CERT1: variants seen among roughly 807,000 people sequenced by gnomAD.
CERT1 encodes the protein ceramide transfer protein.
A neutral mutation model predicts 87.9 loss-of-function variants in CERT1; 31 were observed. The observed-to-expected ratio is 0.35, with a 90% CI of 0.27 to 0.48. The LOEUF is 0.48. Among genes scored for constraint, CERT1 ranks in the 20% least tolerant of loss-of-function variants. The pLI, the probability that CERT1 is intolerant of heterozygous loss-of-function variation, is 0.99. For synonymous variants in CERT1, 289 were observed against 250.9 expected, an observed-to-expected ratio of 1.15 and a Z score of -1.44; for missense variants, 487 against 758.0, an observed-to-expected ratio of 0.64 and a Z score of 4.20.
chr5:75,481,060 C>T (rs757163268), intron 2 of CERT1, among the ~76,000 whole-genome samples: 28 of 152,174 alleles, frequency 1.8e-4, no homozygotes, highest in Non-Finnish European at 2.9e-4. Flanking sequence ...AGCAACTTCC[C>T]ATCTCGCTCA....
At chr5:75,398,979 G>A (rs1028532428) in intron 11 of CERT1, among the ~76,000 whole-genome samples, 6 of 152,124 alleles carry the variant, frequency 3.9e-5, no homozygotes, top group African/African-American at 9.7e-5. Flanking sequence ...TATAGACCAC[G>A]TCCATCAAAA....
intron 11 of CERT1, among the ~76,000 whole-genome samples, chr5:75,392,951 C>G (rs185300484): frequency 0.028 from 2,733 of 97,552 alleles, 43 homozygotes; most frequent in Middle Eastern, 0.062. Flanking sequence ...GCCTGGATGA[C>G]AGAGAGAGAC....
chr5:75,381,837 G>C (rs1299673119), intron 15 of CERT1, 112 bp downstream of exon 15: 8 of 991,090 alleles, frequency 8.1e-6, no homozygotes, highest in Non-Finnish European at 1.2e-5. Flanking sequence ...TAAAATCTAA[G>C]AACCATTATC....
chr5:75,488,906 T>G (rs1264678484), intron 2 of CERT1, among the ~76,000 whole-genome samples: 1 of 152,142 alleles, frequency 6.6e-6, no homozygotes, highest in East Asian at 1.9e-4. Flanking sequence ...TAAAGCCTCA[T>G]TAAAGAAAAT....
At chr5:75,471,069 A>G (rs1765685901) in intron 2 of CERT1, among the ~76,000 whole-genome samples, 1 of 152,240 alleles carries the variant, frequency 6.6e-6, no homozygotes, top group African/African-American at 2.4e-5. Context: ...ACTATAAAAC[A>G]TTCAAGAAAG....
At chr5:75,404,589 A>G (rs1762631893) in intron 8 of CERT1, among the ~76,000 whole-genome samples, 1 of 152,240 alleles carries the variant, frequency 6.6e-6, no homozygotes, top group Non-Finnish European at 1.5e-5. Context: ...TTTAAATACT[A>G]TTTAACCACA....
At chr5:75,499,925 T>C (rs1053345237) in intron 2 of CERT1, among the ~76,000 whole-genome samples, 1 of 152,204 alleles carries the variant, frequency 6.6e-6, no homozygotes, top group Non-Finnish European at 1.5e-5. Context: ...CCTCTGAATG[T>C]TACCTTGTTT....
chr5:75,417,119 AG>A, intron 6 of CERT1, 86 bp from the exon 7 acceptor site: 1 of 1,058,424 alleles, frequency 9.4e-7, no homozygotes, highest in Non-Finnish European at 1.4e-6. Flanking sequence ...TTAGAAAATT[AG>A]CAAGTCAGAG....
At chr5:75,511,702 C>T (rs948877248), upstream of CERT1, 2 of 1,543,628 alleles carry the variant, frequency 1.3e-6, no homozygotes, top group African/African-American at 1.4e-5. Flanking sequence ...GCCCCGTCCC[C>T]CTCCCGGCGT....
At chr5:75,414,279 A>G (rs1411526124) in intron 7 of CERT1, among the ~76,000 whole-genome samples, 1 of 152,130 alleles carries the variant, frequency 6.6e-6, no homozygotes, top group Non-Finnish European at 1.5e-5. Flanking sequence ...GCATGAAGGA[A>G]CCTTCTAGGG....
intron 3 of CERT1, among the ~76,000 whole-genome samples, chr5:75,457,381 C>G (rs1765027738): frequency 6.6e-6 from 1 of 152,202 alleles, no homozygotes; most frequent in African/African-American, 2.4e-5. Context: ...TTAATTAACA[C>G]AGCCAAGCTC....
intron 2 of CERT1, among the ~76,000 whole-genome samples, chr5:75,488,694 T>A (rs569124923): frequency 3.9e-4 from 60 of 152,284 alleles, no homozygotes; most frequent in Admixed American, 2.7e-3. Flanking sequence ...CTTAATTTTG[T>A]AAAGTGTGGT....
intron 1 of CERT1, among the ~76,000 whole-genome samples, chr5:75,510,581 G>A (rs1337097884): frequency 6.6e-6 from 1 of 152,044 alleles, no homozygotes; most frequent in East Asian, 1.9e-4. Flanking sequence ...ACAGGGTGAG[G>A]GAGAAAGTCC....
At chr5:75,486,646 G>A (rs1580840692) in intron 2 of CERT1, among the ~76,000 whole-genome samples, 1 of 152,076 alleles carries the variant, frequency 6.6e-6, no homozygotes, top group East Asian at 1.9e-4. Context: ...TAAAGTTGCA[G>A]GATACAAAAA....
intron 10 of CERT1, among the ~76,000 whole-genome samples, chr5:75,399,941 A>G (rs958840109): frequency 6.6e-5 from 10 of 152,140 alleles, no homozygotes; most frequent in Non-Finnish European, 1.0e-4. Flanking sequence ...GATCAAGACC[A>G]TCCTGGCCAT....
intron 3 of CERT1, among the ~76,000 whole-genome samples, chr5:75,431,090 T>C (rs1763844234): frequency 1.3e-5 from 2 of 152,164 alleles, no homozygotes; most frequent in Admixed American, 1.3e-4. Flanking sequence ...GTTCAGGCAA[T>C]ACATGTGGAG....
At chr5:75,467,631 ACT>A (rs1322266774) in intron 2 of CERT1, among the ~76,000 whole-genome samples, 1 of 135,210 alleles carries the variant, frequency 7.4e-6, no homozygotes, top group Non-Finnish European at 1.5e-5. Context: ...ACAGAGTGAG[ACT>A]CTGTCTCCAA....
chr5:75,384,673 T>C lies in CERT1; in HGVS notation c.1457A>G (p.Asp486Gly). Residue 486 changes from aspartate (D) to glycine (G), a missense_variant, in exon 14 of 17, where the codon GAT becomes GGT. Coordinates refer to ENST00000643780, the MANE Select transcript of CERT1 (RefSeq NM_001379029.1). ...ENFHVVETLA[D>G]NAIIIYQTHK... is the part of the protein sequence containing the mutation. ...TGTTTGATAAATGATGATTGCATTA[T>C]CAGCTAATGTTTCCACCACATGAAA... 1 of 1,606,758 alleles carries C rather than the reference T, an allele frequency of 6.2e-7. No homozygotes were observed. The highest frequency in any genetic ancestry group is 1.1e-5 in the South Asian group (1 of 90,874).
intron 8 of CERT1, among the ~76,000 whole-genome samples, chr5:75,403,993 T>C (rs777916921): frequency 4.1e-4 from 63 of 152,312 alleles, no homozygotes; most frequent in Middle Eastern, 3.4e-3. Flanking sequence ...TGTATTATGA[T>C]AAAAGTAGAG....
Sources: allele counts gnomAD v4.1 joint callset (sites outside exome capture counted in the v4.1 genomes callset), GRCh38; gene constraint gnomAD v4.1.1; transcripts MANE v1.5; gene names NCBI Gene and HGNC (gene_info 2026-07-23, HGNC 2026-07-21).